ME2: variants seen among roughly 807,000 people sequenced by gnomAD.
ME2 encodes NAD-dependent malic enzyme, mitochondrial.
ME2 carries 60 observed loss-of-function variants against 73.7 expected under a neutral mutation model. The ratio of observed to expected loss-of-function variants is 0.81; its 90% confidence interval spans 0.66 to 1.01. ME2 has a LOEUF of 1.01. Among genes scored for constraint, ME2 ranks in the 50% least tolerant of loss-of-function variants. The pLI, the probability that ME2 is intolerant of heterozygous loss-of-function variation, is 0.00. For missense variants in ME2, 594 were observed against 705.5 expected (o/e 0.84, Z 1.79); for synonymous variants, 199 against 236.9 (o/e 0.84, Z 1.47).
At chr18:50,938,296 C>A (rs1917861827) in intron 13 of ME2, among the ~76,000 whole-genome samples, 1 of 152,108 alleles carries the variant, frequency 6.6e-6, no homozygotes, top group South Asian at 2.1e-4. Flanking sequence ...TGTACTCCAG[C>A]CTGAGTGACA....
rs1918188556 is a variant in ME2, at chr18:50,950,147, T to G, written c.*2963T>G. 1.3e-5 allele frequency: 2 copies of G among 152,190 alleles called. No individual in the cohort carries two copies. Among genetic ancestry groups the G allele is most frequent in the African/African-American group, 4.8e-5 (2 of 41,440 alleles). The allele number at this position is 152,190 out of a possible 1,614,324, so 9.4% of individuals were successfully genotyped here. On this transcript the variant is annotated 3_prime_UTR_variant, in exon 16 of 16. Coordinates refer to ENST00000321341, the MANE Select transcript of ME2 (RefSeq NM_002396.5). The stretch of plus-strand genomic sequence containing the variant: ...CCACCACCTGTTGTATGGAACAAAT[T>G]GGATTACTAGCAAGGGTAAGGTTTA...
At position 50,929,006 on chromosome 18, in the gene ME2, T is replaced by G. The variant is rs527935246; in HGVS notation, c.1314+3108T>G. 4.8e-4 allele frequency among the ~76,000 whole-genome samples: 73 copies of G among 152,098 alleles called. 1 individual carries two copies. The highest frequency in any genetic ancestry group is 9.9e-4 in the Non-Finnish European group (67 of 68,016). ...TCTCACTATCTTGTTAGGTCTCTGC[T>G]TGCTTACAAAAATTTTTAAAAATGT... On this transcript the variant is annotated intron_variant, in intron 12 of 15. Transcript: ENST00000321341.
chr18:50,880,879 T>C (rs1916304308), intron 1 of ME2, among the ~76,000 whole-genome samples: 1 of 152,206 alleles, frequency 6.6e-6, no homozygotes, highest in Non-Finnish European at 1.5e-5. Context: ...TTTTAATATA[T>C]TTATGAAAAC....
At chr18:50,898,212 A>C (rs1417681295) in intron 2 of ME2, among the ~76,000 whole-genome samples, 1 of 152,220 alleles carries the variant, frequency 6.6e-6, no homozygotes, top group Non-Finnish European at 1.5e-5. Flanking sequence ...AATCTTCTTA[A>C]ATGTATGTCT....
intron 12 of ME2, 76 bp from the exon 13 acceptor site, chr18:50,932,182 G>A: frequency 7.9e-7 from 1 of 1,261,994 alleles, no homozygotes; most frequent in Non-Finnish European, 1.1e-6. Context: ...TTCAGGACTT[G>A]ATTTTGTATG....
intron 1 of ME2, among the ~76,000 whole-genome samples, chr18:50,892,215 C>T (rs1043297566): frequency 1.3e-5 from 2 of 151,980 alleles, no homozygotes; most frequent in Non-Finnish European, 2.9e-5. Context: ...GTGGCAAATC[C>T]TTCTACCTAT....
rs985164929 is a variant in ME2 at position 50,949,578 on chromosome 18, T to C, written c.*2394T>C. 1.6e-4 allele frequency: 25 copies of C among 152,236 alleles called. No individual in the cohort carries two copies. Among genetic ancestry groups the C allele is most frequent in the Non-Finnish European group, 3.7e-4 (25 of 68,046 alleles). The allele number at this position is 152,236 out of a possible 1,614,324, so 9.4% of individuals were successfully genotyped here. On this transcript the variant is annotated 3_prime_UTR_variant, in exon 16 of 16. Transcript: ENST00000321341. ...TACTCTCTGTGTGAAATCTTGATTTTAGTTCAACCTAAGAAATATAATAAA... is the reference window on the plus strand; with the variant it reads ...TACTCTCTGTGTGAAATCTTGATTTCAGTTCAACCTAAGAAATATAATAAA...
chr18:50,890,240 A>G (rs1386707419), intron 1 of ME2, among the ~76,000 whole-genome samples: 1 of 152,130 alleles, frequency 6.6e-6, no homozygotes, highest in African/African-American at 2.4e-5. Context: ...AAAAATCTTC[A>G]GAAGAGAAAA....
At chr18:50,943,780 T>TTC in intron 15 of ME2, among the ~76,000 whole-genome samples, 1 of 152,240 alleles carries the variant, frequency 6.6e-6, no homozygotes, top group Middle Eastern at 3.4e-3. Flanking sequence ...AATATACAAA[T>TTC]GCCAGGCTAA....
At chr18:50,927,157 G>C (rs1388335476) in intron 12 of ME2, among the ~76,000 whole-genome samples, 2 of 152,066 alleles carry the variant, frequency 1.3e-5, no homozygotes, top group Non-Finnish European at 2.9e-5. Context: ...CTACCATTCT[G>C]TAAGGATGTA....
Position 50,937,807 on chromosome 18 carries a change from A to AT in ME2, c.1418-1761dup, listed in dbSNP as rs1446274636. On this transcript the variant is annotated intron_variant, in intron 13 of 15. Coordinates refer to ENST00000321341, the MANE Select transcript of ME2 (RefSeq NM_002396.5). Reference sequence around the variant, plus strand: ...GGACAGGAGAAGGAAAATAAAGAAAATTAGAGAGCCAATCCAAGAGGTACA... The same window carrying AT: ...GGACAGGAGAAGGAAAATAAAGAAAATTTAGAGAGCCAATCCAAGAGGTACA... Among the ~76,000 whole-genome samples the AT allele has an allele frequency of 6.6e-5, 10 of 152,316 alleles. No individual in the cohort carries two copies. The South Asian group carries it at 2.1e-3, about 32-fold the overall frequency.
At chr18:50,940,267 A>G in intron 14 of ME2, 21 bp from the exon 15 acceptor site, 1 of 1,560,228 alleles carries the variant, frequency 6.4e-7, no homozygotes, top group Non-Finnish European at 8.8e-7. Flanking sequence ...AACAAAAGCA[A>G]AATGCTGTTT....
At chr18:50,900,534 A>G (rs910297066) in intron 2 of ME2, among the ~76,000 whole-genome samples, 2 of 152,034 alleles carry the variant, frequency 1.3e-5, no homozygotes, top group Non-Finnish European at 2.9e-5. Flanking sequence ...TGCCCACCTC[A>G]GCCTCCCAAA....
rs1917044693 is a variant in ME2, at chr18:50,907,522, C to T, written c.109-541C>T. Among the ~76,000 whole-genome samples the T allele has an allele frequency of 3.3e-5, 5 of 152,266 alleles. No individual in the cohort carries two copies. The South Asian group carries it at 8.3e-4, about 25-fold the overall frequency. On this transcript the variant is annotated intron_variant, in intron 2 of 15. Transcript: ENST00000321341. Reference sequence around the variant, plus strand: ...ATTGCTTTGATACGAAGAATTTAACCCATAGTCAAATGCCAGAAATTGAAA... The same window carrying T: ...ATTGCTTTGATACGAAGAATTTAACTCATAGTCAAATGCCAGAAATTGAAA...
chr18:50,901,110 C>A lies in ME2; in HGVS notation c.108+5182C>A, dbSNP rs79871747. ...AGCTTGCCACTTAGTTATAATTTGC[C>A]CTTTTAGTGCAATTTCATCTCAATT... On this transcript the variant is annotated intron_variant, in intron 2 of 15. Coordinates refer to ENST00000321341, the MANE Select transcript of ME2 (RefSeq NM_002396.5). Among the ~76,000 whole-genome samples, 86 of 152,190 alleles carry A rather than the reference C, an allele frequency of 5.7e-4. No individual in the cohort carries two copies. In the East Asian group the frequency reaches 6.6e-3, roughly 12 times the overall value.
chr18:50,885,533 A>G (rs773893451), intron 1 of ME2, among the ~76,000 whole-genome samples: 7 of 152,120 alleles, frequency 4.6e-5, no homozygotes, highest in Non-Finnish European at 8.8e-5. Flanking sequence ...AAAAAAATAT[A>G]TAAAACTTTT....
chr18:50,924,406 T>C lies in ME2; in HGVS notation c.1171+194T>C, dbSNP rs144650693. 4.5e-4 allele frequency among the ~76,000 whole-genome samples: 68 copies of C among 150,820 alleles called. 1 individual carries two copies. Among genetic ancestry groups the C allele is most frequent in the African/African-American group, 1.6e-3 (66 of 40,104 alleles). ...GATGTTGCTTTATACTTTTAGGTCCTAGACACTGTGTAGTCGATCATGATT... is the reference window on the plus strand; with the variant it reads ...GATGTTGCTTTATACTTTTAGGTCCCAGACACTGTGTAGTCGATCATGATT... On this transcript the variant is annotated intron_variant, in intron 11 of 15. Coordinates refer to ENST00000321341, the MANE Select transcript of ME2 (RefSeq NM_002396.5).
At chr18:50,910,838 A>G (rs1917139699) in intron 3 of ME2, among the ~76,000 whole-genome samples, 1 of 152,172 alleles carries the variant, frequency 6.6e-6, no homozygotes, top group Admixed American at 6.5e-5. Context: ...ATTTGCTCAG[A>G]GTGAGAGATT....
At position 50,917,353 on chromosome 18, in the gene ME2, G is replaced by T; in HGVS notation, c.475G>T (p.Val159Leu). 3 of 1,612,532 alleles carry T rather than the reference G, an allele frequency of 1.9e-6. No homozygotes were observed. Among genetic ancestry groups the T allele is most frequent in the Non-Finnish European group, 2.5e-6 (3 of 1,179,094 alleles). Residue 159 changes from valine to leucine, a missense_variant, in exon 6 of 16, where the codon GTA becomes TTA. Coordinates refer to ENST00000321341, the MANE Select transcript of ME2 (RefSeq NM_002396.5). ...NWPENHVKAVVVTDGERILGL... is the reference protein window; with the variant it reads ...NWPENHVKAVLVTDGERILGL... ...GCATTTTTTTGTGATTAAGGCTGTT[G>T]TAGTGACTGATGGAGAGAGAATTCT...
Sources: allele counts gnomAD v4.1 joint callset (sites outside exome capture counted in the v4.1 genomes callset), GRCh38; gene constraint gnomAD v4.1.1; transcripts MANE v1.5; gene names NCBI Gene and HGNC (gene_info 2026-07-23, HGNC 2026-07-21).